CHST9: variants seen among roughly 807,000 people sequenced by gnomAD.
CHST9 encodes the protein GalNAc-4-sulfotransferase 2.
Under a neutral mutation model 44.4 loss-of-function variants are expected in CHST9, and 41 were observed. That is an observed-to-expected ratio of 0.92 (90% confidence interval 0.72 to 1.20). The LOEUF (loss-of-function observed/expected upper bound fraction) is 1.20, where lower values mean the gene tolerates loss of function less well. Ranked by LOEUF, CHST9 falls within the 50% of genes most tolerant of loss-of-function variation. The probability of loss-of-function intolerance (pLI) is 0.00; values close to 1 mark genes in which losing one functional copy is unlikely to be tolerated. For missense variants in CHST9, 504 were observed against 516.5 expected (o/e 0.98, Z 0.23); for synonymous variants, 171 against 178.4 (o/e 0.96, Z 0.33).
intron 3 of CHST9, among the ~76,000 whole-genome samples, chr18:27,040,568 G>A (rs551255254): frequency 1.3e-5 from 2 of 152,154 alleles, no homozygotes; most frequent in South Asian, 4.1e-4. Context: ...TCACTTCTGG[G>A]GTGAGTGGAC....
intron 2 of CHST9, among the ~76,000 whole-genome samples, chr18:27,122,007 T>C (rs1183268640): frequency 2.6e-5 from 4 of 152,184 alleles, no homozygotes; most frequent in African/African-American, 9.7e-5. Flanking sequence ...GGTGTTGTGT[T>C]TGAAGCTCGT....
intron 2 of CHST9, among the ~76,000 whole-genome samples, chr18:27,131,534 C>G (rs938564784): frequency 6.6e-6 from 1 of 152,030 alleles, no homozygotes. Flanking sequence ...CTGGGCGACA[C>G]GAGCAAAACT....
chr18:26,964,046 T>C (rs1249613972), intron 4 of CHST9, among the ~76,000 whole-genome samples: 1 of 152,226 alleles, frequency 6.6e-6, no homozygotes, highest in East Asian at 1.9e-4. Flanking sequence ...AAGAAGAGCA[T>C]TTTTGATTAA....
At position 26,909,098 on chromosome 18, in the gene CHST9, G is replaced by A. The variant is rs162633; in HGVS notation, c.*7161C>T. The A allele has an allele frequency of 0.84, 127,876 of 152,206 alleles. 53,847 individuals carry two copies. Among genetic ancestry groups the A allele is most frequent in the African/African-American group, 0.89 (36,800 of 41,542 alleles). The allele number at this position is 152,206 out of a possible 1,614,324, so 9.4% of individuals were successfully genotyped here. ...TTGGGCAGTGCCCAGTGCTGTCCCC[G>A]TCCCTCACTTCATCATTTCAGCTCT... On this transcript the variant is annotated 3_prime_UTR_variant, in exon 6 of 6. Transcript: ENST00000618847.
chr18:27,027,885 T>C (rs764626743), intron 3 of CHST9, among the ~76,000 whole-genome samples: 11 of 152,190 alleles, frequency 7.2e-5, no homozygotes, highest in Non-Finnish European at 1.0e-4. Flanking sequence ...TATAATTCTA[T>C]AGCCTTTATT....
At chr18:27,073,471 G>T (rs1259206993) in intron 2 of CHST9, among the ~76,000 whole-genome samples, 2 of 151,990 alleles carry the variant, frequency 1.3e-5, no homozygotes, top group African/African-American at 4.8e-5. Context: ...AGACTGAGTA[G>T]CCCAGACTGT....
chr18:26,941,314 T>G (rs964649041), intron 5 of CHST9, among the ~76,000 whole-genome samples: 4 of 152,158 alleles, frequency 2.6e-5, no homozygotes, highest in Non-Finnish European at 5.9e-5. Flanking sequence ...GTTATCTAGC[T>G]GCACAAACAC....
intron 4 of CHST9, among the ~76,000 whole-genome samples, chr18:27,002,652 G>A (rs1196291752): frequency 6.6e-6 from 1 of 152,152 alleles, no homozygotes; most frequent in Non-Finnish European, 1.5e-5. Flanking sequence ...ATGATGTTAG[G>A]TAGGTTAGGT....
chr18:26,941,218 G>A (rs569411739), intron 5 of CHST9, among the ~76,000 whole-genome samples: 37 of 152,170 alleles, frequency 2.4e-4, no homozygotes, highest in Non-Finnish European at 2.8e-4. Flanking sequence ...AGCGTTTCTC[G>A]TAGACAGCAC....
In CHST9 at chr18:27,071,172, T is replaced by C. The variant is rs79847960; in HGVS notation, c.122-22669A>G. Among the ~76,000 whole-genome samples the C allele has an allele frequency of 4.9e-3, 750 of 152,340 alleles. 6 individuals are homozygous for C. The highest frequency in any genetic ancestry group is 0.018 in the African/African-American group (728 of 41,572). On this transcript the variant is annotated intron_variant, in intron 2 of 5. Coordinates refer to ENST00000618847, the MANE Select transcript of CHST9 (RefSeq NM_031422.6). Reference sequence around the variant, plus strand: ...CATCCACTGTTAGGCTCCTCAGCTCTCTAGCACCTTTGTAACCAGAGTAGT... The same window carrying C: ...CATCCACTGTTAGGCTCCTCAGCTCCCTAGCACCTTTGTAACCAGAGTAGT...
intron 1 of CHST9, among the ~76,000 whole-genome samples, chr18:27,175,157 C>T (rs2058858839): frequency 6.6e-6 from 1 of 151,942 alleles, no homozygotes; most frequent in Non-Finnish European, 1.5e-5. Context: ...ATAACATAGA[C>T]TTTTATATTA....
intron 4 of CHST9, among the ~76,000 whole-genome samples, chr18:27,018,851 TG>T (rs2057186032): frequency 6.6e-6 from 1 of 152,130 alleles, no homozygotes; most frequent in Admixed American, 6.5e-5. Context: ...AGCAGGAGAA[TG>T]GGCCTGCCAG....
At chr18:27,014,132 T>C (rs368301235) in intron 4 of CHST9, among the ~76,000 whole-genome samples, 50 of 151,990 alleles carry the variant, frequency 3.3e-4, no homozygotes, top group African/African-American at 1.2e-3. Context: ...GTCAATGGAG[T>C]GTACCAGTTC....
intron 2 of CHST9, among the ~76,000 whole-genome samples, chr18:27,060,669 C>T (rs2057711011): frequency 6.6e-6 from 1 of 152,178 alleles, no homozygotes. Context: ...AGTCCATTCT[C>T]CTCTTTTTCT....
At chr18:27,121,115 G>A (rs554432772) in intron 2 of CHST9, among the ~76,000 whole-genome samples, 19 of 152,168 alleles carry the variant, frequency 1.2e-4, no homozygotes, top group Middle Eastern at 3.4e-3. Flanking sequence ...TGATTCTCCC[G>A]CCTCAGGCTC....
At chr18:27,085,302 G>A (rs1453160356) in intron 2 of CHST9, among the ~76,000 whole-genome samples, 1 of 152,048 alleles carries the variant, frequency 6.6e-6, no homozygotes, top group Non-Finnish European at 1.5e-5. Flanking sequence ...CTTCTGCACA[G>A]CAAAATAAAT....
At chr18:26,938,633 C>T (rs77045196) in intron 5 of CHST9, among the ~76,000 whole-genome samples, 21 of 152,194 alleles carry the variant, frequency 1.4e-4, no homozygotes, top group Non-Finnish European at 1.5e-4. Flanking sequence ...GTGAGTGGCA[C>T]TGCCATGCTT....
At chr18:27,069,814 G>C (rs534321745) in intron 2 of CHST9, among the ~76,000 whole-genome samples, 17 of 152,212 alleles carry the variant, frequency 1.1e-4, no homozygotes, top group Admixed American at 3.3e-4. Context: ...AGCACCACCA[G>C]ACACAAATTA....
chr18:27,160,586 C>T (rs949602233), intron 1 of CHST9, among the ~76,000 whole-genome samples: 3 of 152,050 alleles, frequency 2.0e-5, no homozygotes, highest in East Asian at 3.9e-4. Context: ...TTTGTTGTGT[C>T]TCTGCCAGGC....
Sources: gnomAD v4.1 joint callset for allele counts (sites outside exome capture counted in the v4.1 genomes callset) on GRCh38, gnomAD v4.1.1 for gene constraint, MANE v1.5 for transcripts, NCBI Gene and HGNC (gene_info 2026-07-23, HGNC 2026-07-21) for gene names.